The following HEMK2 variants were observed in gnomAD, a reference collection of about 807,000 sequenced individuals.
The protein encoded by HEMK2 is methyltransferase HEMK2.
the HEMK2 span, among the ~76,000 whole-genome samples, chr21:28,822,594 C>CAT: frequency 3.3e-5 from 5 of 150,970 alleles, no homozygotes; most frequent in East Asian, 3.9e-4. Context: ...TATATATACA[C>CAT]ATATATATAT....
the HEMK2 span, among the ~76,000 whole-genome samples, chr21:28,616,107 A>G: frequency 7.2e-5 from 11 of 152,236 alleles, no homozygotes; most frequent in Non-Finnish European, 1.6e-4. Context: ...TGACAGTGGA[A>G]GCTTCAGTCA....
the HEMK2 span, among the ~76,000 whole-genome samples, chr21:28,884,831 A>C: frequency 1.1e-4 from 17 of 152,318 alleles, no homozygotes; most frequent in South Asian, 3.5e-3. Flanking sequence ...ATGCAATTTT[A>C]ATATGTAATA....
At chr21:28,818,336 T>C in the HEMK2 span, among the ~76,000 whole-genome samples, 178 of 152,278 alleles carry the variant, frequency 1.2e-3, no homozygotes, top group Admixed American at 1.6e-3. Flanking sequence ...TTCCCTACTT[T>C]TGAGGTTTTG....
the HEMK2 span, among the ~76,000 whole-genome samples, chr21:28,667,291 A>G: frequency 6.6e-6 from 1 of 152,192 alleles, no homozygotes; most frequent in Non-Finnish European, 1.5e-5. Context: ...TTTGCTAAAA[A>G]GTATATAATC....
chr21:28,787,620 C>CT, the HEMK2 span, among the ~76,000 whole-genome samples: 1 of 152,174 alleles, frequency 6.6e-6, no homozygotes, highest in African/African-American at 2.4e-5. Flanking sequence ...CTCAACGTTA[C>CT]TAATGATCAT....
At chr21:28,763,233 T>C in the HEMK2 span, among the ~76,000 whole-genome samples, 1 of 152,150 alleles carries the variant, frequency 6.6e-6, no homozygotes, top group Non-Finnish European at 1.5e-5. Context: ...GGCTGGGTAA[T>C]TTATAAAGAA....
the HEMK2 span, among the ~76,000 whole-genome samples, chr21:28,719,609 A>G: frequency 6.6e-6 from 1 of 152,186 alleles, no homozygotes; most frequent in Admixed American, 6.5e-5. Flanking sequence ...CAGTGTGAGA[A>G]CAGAATAATA....
At chr21:28,840,691 A>G in the HEMK2 span, among the ~76,000 whole-genome samples, 8 of 152,038 alleles carry the variant, frequency 5.3e-5, no homozygotes, top group Non-Finnish European at 1.0e-4. Context: ...TCAAAAAATC[A>G]AAAACAGTAG....
At chr21:28,829,635 C>A in the HEMK2 span, among the ~76,000 whole-genome samples, 1 of 152,196 alleles carries the variant, frequency 6.6e-6, no homozygotes, top group Non-Finnish European at 1.5e-5. Flanking sequence ...CTGCACAAAA[C>A]AGACTAAGGC....
At chr21:28,816,244 C>A in the HEMK2 span, among the ~76,000 whole-genome samples, 1 of 148,928 alleles carries the variant, frequency 6.7e-6, no homozygotes, top group South Asian at 2.1e-4. Context: ...TAGTGATATT[C>A]TCAGAAAGAA....
At chr21:28,877,448 T>C in the HEMK2 span, among the ~76,000 whole-genome samples, 2 of 123,378 alleles carry the variant, frequency 1.6e-5, no homozygotes, top group Non-Finnish European at 1.6e-5. Flanking sequence ...GAAGGACAGA[T>C]GGACAGAAGG....
At chr21:28,776,325 C>T in the HEMK2 span, among the ~76,000 whole-genome samples, 1 of 152,190 alleles carries the variant, frequency 6.6e-6, no homozygotes, top group Non-Finnish European at 1.5e-5. Context: ...GTGGATGCCA[C>T]AGAGCCAGTG....
chr21:28,862,336 ATGAG>A, the HEMK2 span, among the ~76,000 whole-genome samples: 1 of 152,162 alleles, frequency 6.6e-6, no homozygotes, highest in Non-Finnish European at 1.5e-5. Context: ...GGAATACAGA[ATGAG>A]TAGTAGAAGA....
At chr21:28,679,400 C>G in the HEMK2 span, among the ~76,000 whole-genome samples, 1 of 152,142 alleles carries the variant, frequency 6.6e-6, no homozygotes, top group South Asian at 2.1e-4. Flanking sequence ...AAAGCAAGTC[C>G]TTAGAGGCCT....
chr21:28,820,955 G>A, the HEMK2 span, among the ~76,000 whole-genome samples: 1 of 152,156 alleles, frequency 6.6e-6, no homozygotes, highest in Non-Finnish European at 1.5e-5. Flanking sequence ...AGGTATCCCA[G>A]TTGTCTGAGC....
the HEMK2 span, among the ~76,000 whole-genome samples, chr21:28,797,422 C>T: frequency 1.3e-5 from 2 of 150,992 alleles, no homozygotes; most frequent in Admixed American, 6.6e-5. Flanking sequence ...ATGGTGAAAC[C>T]CTGTCTCTAC....
At chr21:28,854,523 T>C in the HEMK2 span, among the ~76,000 whole-genome samples, 1 of 151,650 alleles carries the variant, frequency 6.6e-6, no homozygotes. Context: ...TACATAGAGA[T>C]AGAGATAGAG....
At chr21:28,801,569 A>G in the HEMK2 span, among the ~76,000 whole-genome samples, 2 of 152,100 alleles carry the variant, frequency 1.3e-5, no homozygotes, top group African/African-American at 4.8e-5. Flanking sequence ...GGAAAATTTG[A>G]AAAAATATAT....
chr21:28,701,118 T>C, the HEMK2 span, among the ~76,000 whole-genome samples: 8 of 152,182 alleles, frequency 5.3e-5, no homozygotes, highest in South Asian at 1.7e-3. Context: ...ATGAAAACCC[T>C]CAACTAGGCA....
Sources: allele counts gnomAD v4.1 joint callset (sites outside exome capture counted in the v4.1 genomes callset), GRCh38; gene constraint gnomAD v4.1.1; transcripts MANE v1.5; gene names NCBI Gene and HGNC (gene_info 2026-07-23, HGNC 2026-07-21).